Variants in TP53BP1 observed in about 807,000 individuals in gnomAD.
TP53BP1 encodes TP53-binding protein 1.
Under a neutral mutation model 200.8 loss-of-function variants are expected in TP53BP1, and 61 were observed. The ratio of observed to expected loss-of-function variants is 0.30; its 90% CI spans 0.25 to 0.38. The LOEUF (loss-of-function observed/expected upper bound fraction) is 0.38, where lower values mean the gene tolerates loss of function less well. TP53BP1 is among the 10% of genes least tolerant of loss of function. The pLI is 1.00. For synonymous variants in TP53BP1, 822 were observed against 844.3 expected, an observed-to-expected ratio of 0.97 and a Z score of 0.46; for missense variants, 2,144 against 2,371.9, an observed-to-expected ratio of 0.90 and a Z score of 2.00.
intron 21 of TP53BP1, chr15:43,416,998 G>A (rs2045280876): frequency 6.6e-6 from 1 of 152,172 alleles, no homozygotes; most frequent in African/African-American, 2.4e-5. Context: ...ATGTTAAAAG[G>A]AACAAAATGT....
Position 43,446,477 on chromosome 15 carries a change from G to C in TP53BP1, c.2950C>G (p.Pro984Ala). The C allele has an allele frequency of 2.5e-6, 4 of 1,614,058 alleles. No individual in the cohort carries two copies. The highest frequency in any genetic ancestry group is 3.4e-6 in the Non-Finnish European group (4 of 1,180,016). The change falls in exon 14 of 28, where the codon CCA (proline) becomes GCA (alanine). Residue 984 changes from proline to alanine, a missense_variant. Transcript: ENST00000382044. ...GSGKGDSGAA[P>A]DVDDKLCLRM... ...AGACATAATTTATCATCCACGTCTG[G>C]GGCAGCCCCAGAATCCCCTTTTCCA...
In TP53BP1 at chr15:43,456,820, T is replaced by C. The variant is rs1405190988; in HGVS notation, c.1788A>G (p.Thr596=). 1 of 1,613,972 alleles carries C rather than the reference T, an allele frequency of 6.2e-7. No homozygotes were observed. The highest frequency in any genetic ancestry group is 2.2e-5 in the East Asian group (1 of 44,894). ...QNDDKTKGDD[T]DTRDDISILA... ...AAATACTAATGTCATCCCTGGTGTC[T>C]GTATCATCTCCCTTTGTTTTGTCAT... Residue 596 remains threonine, a synonymous_variant, in exon 12 of 28, where the codon ACA becomes ACG. Coordinates refer to ENST00000382044, the MANE Select transcript of TP53BP1 (RefSeq NM_001141980.3).
intron 23 of TP53BP1, chr15:43,414,258 T>TAA: frequency 2.5e-6 from 1 of 399,264 alleles, no homozygotes; most frequent in Non-Finnish European, 5.1e-6. Flanking sequence ...AACTTTTCTG[T>TAA]GCCTCAAAGT....
intron 12 of TP53BP1, among the ~76,000 whole-genome samples, chr15:43,455,423 A>ACCTGT (rs1488311756): frequency 1.3e-5 from 2 of 152,114 alleles, no homozygotes; most frequent in Non-Finnish European, 2.9e-5. Flanking sequence ...TATAGCTATT[A>ACCTGT]AAAAAATACA....
chr15:43,429,103 CTTCA>C (rs756980013), intron 17 of TP53BP1, among the ~76,000 whole-genome samples: 10 of 152,136 alleles, frequency 6.6e-5, no homozygotes, highest in South Asian at 2.1e-4. Context: ...TAGCATCCAG[CTTCA>C]TTATTTCTTG....
At chr15:43,415,374 A>C (rs571487258) in intron 23 of TP53BP1, 2 of 653,510 alleles carry the variant, frequency 3.1e-6, no homozygotes, top group East Asian at 5.7e-5. Flanking sequence ...ACACTCAGCT[A>C]ATTCTGGCCT....
In TP53BP1 at chr15:43,503,399, T is replaced by C. The variant is rs147462034; in HGVS notation, c.-9+6971A>G. 4.8e-3 allele frequency among the ~76,000 whole-genome samples: 735 copies of C among 152,354 alleles called. 7 individuals carry two copies. The highest frequency in any genetic ancestry group is 0.016 in the African/African-American group (684 of 41,584). On this transcript the variant is annotated intron_variant, in intron 1 of 27. Coordinates refer to the TP53BP1 transcript ENST00000263801. ...TGGGCTGGGCAGAGTGGCTCACACCTGTAATCCCAACACTTCAGGAGCCTG... is the reference window on the plus strand; with the variant it reads ...TGGGCTGGGCAGAGTGGCTCACACCCGTAATCCCAACACTTCAGGAGCCTG...
chr15:43,405,002 A>C lies in TP53BP1; in HGVS notation c.*2381T>G, dbSNP rs2044819079. 1 of 595,272 alleles carries C rather than the reference A, an allele frequency of 1.7e-6. No individual in the cohort carries two copies. The highest frequency in any genetic ancestry group is 1.9e-5 in the African/African-American group (1 of 52,932). 36.9% of individuals were successfully genotyped at this position (595,272 alleles called of 1,614,324 possible). On this transcript the variant is annotated 3_prime_UTR_variant, in exon 28 of 28. Coordinates refer to ENST00000382044, the MANE Select transcript of TP53BP1 (RefSeq NM_001141980.3). ...TCCCAGAGGTCTGTCATTCCCATTCAGAAAATCACTTCATTGTCCTTTCTC... is the reference window on the plus strand; with the variant it reads ...TCCCAGAGGTCTGTCATTCCCATTCCGAAAATCACTTCATTGTCCTTTCTC...
chr15:43,441,635 T>C (rs778734998), intron 14 of TP53BP1, 52 bp from the exon 15 acceptor site: 5 of 1,249,448 alleles, frequency 4.0e-6, no homozygotes, highest in South Asian at 3.6e-5. Context: ...AGAATTTAGT[T>C]AGTATCACAC....
rs569439871 is a variant in TP53BP1, at chr15:43,464,420, T to C, written c.1389+5438A>G. Among the ~76,000 whole-genome samples, 60 of 152,288 alleles carry C rather than the reference T, an allele frequency of 3.9e-4. 1 individual carries two copies. In the South Asian group the frequency reaches 0.012, roughly 29 times the overall value. On this transcript the variant is annotated intron_variant, in intron 11 of 27. Transcript: ENST00000382044. ...AACTAAGAGAAGAATTAAAAGATGG[T>C]TGAACTGGGCAATGGCACCTGTAGG...
intron 21 of TP53BP1, 68 bp downstream of exon 21, chr15:43,420,237 C>T: frequency 7.0e-7 from 1 of 1,422,632 alleles, no homozygotes; most frequent in Non-Finnish European, 9.7e-7. Flanking sequence ...TTGGTAACTA[C>T]TAACATAACA....
Position 43,447,488 on chromosome 15 carries a change from G to GA in TP53BP1, c.2717-4dup, listed in dbSNP as rs749575788. The GA allele has an allele frequency of 0.18, 163,298 of 899,606 alleles. 144 individuals carry two copies. The highest frequency in any genetic ancestry group is 0.19 in the Non-Finnish European group (131,710 of 697,154). The allele number at this position is 899,606 out of a possible 1,614,324, so 55.7% of individuals were successfully genotyped here. ...CAAAGTGAAATGAAATGGGGTTTCT[G>GA]AAAAAAAAAAAAAAAAGAAAAAAGA... is the stretch of plus-strand genomic sequence containing the variant. On this transcript the variant is annotated splice_region_variant and splice_polypyrimidine_tract_variant and intron_variant, in intron 12 of 27. Transcript: ENST00000382044.
intron 14 of TP53BP1, among the ~76,000 whole-genome samples, chr15:43,442,082 ATTT>A (rs1158826286): frequency 2.4e-5 from 3 of 123,504 alleles, no homozygotes. Flanking sequence ...ATTTGTTTTA[ATTT>A]TTTTTTTTTT....
chr15:43,475,421 A>G lies in TP53BP1; in HGVS notation c.1085+144T>C. On this transcript the variant is annotated intron_variant, in intron 9 of 27. Coordinates refer to ENST00000382044, the MANE Select transcript of TP53BP1 (RefSeq NM_001141980.3). ...ATTTATCTGCCTTCAACAGTTCTTCATCCCCAAAGCTCTAATGCATAGGTT... is the reference window on the plus strand; with the variant it reads ...ATTTATCTGCCTTCAACAGTTCTTCGTCCCCAAAGCTCTAATGCATAGGTT... The G allele has an allele frequency of 4.4e-6, 4 of 905,792 alleles. 1 individual carries two copies. In the South Asian group the frequency reaches 8.8e-5, roughly 20 times the overall value. The allele number at this position is 905,792 out of a possible 1,614,324, so 56.1% of individuals were successfully genotyped here. A position where few individuals can be genotyped will look rare whatever the true frequency, so the allele number is the denominator to read the frequency against.
intron 16 of TP53BP1, among the ~76,000 whole-genome samples, chr15:43,436,002 T>C (rs982142676): frequency 6.6e-6 from 1 of 152,034 alleles, no homozygotes; most frequent in African/African-American, 2.4e-5. Flanking sequence ...AGTCTTTTTT[T>C]TTTTCTTTAG....
At position 43,456,336 on chromosome 15, in the gene TP53BP1, C is replaced by A. The variant is rs574966094; in HGVS notation, c.2272G>T (p.Asp758Tyr). ...ACATCTACAATGACAACACTGGAGT[C>A]CTCTGAAGTAGCTTCTTCCCAAGCT... ...QEAWEEATSE[D>Y]SSVVIVDVKE... Residue 758 changes from aspartate (D) to tyrosine (Y), a missense_variant, in exon 12 of 28, where the codon GAC becomes TAC. By Grantham distance (160) the Asp-to-Tyr change is radical. Around this residue, in one of 4 missense-constraint regions of TP53BP1, gnomAD observed 1,700 missense variants for 1,710.3 expected, o/e 0.99. Coordinates refer to ENST00000382044, the MANE Select transcript of TP53BP1 (RefSeq NM_001141980.3). 1 of 1,613,168 alleles carries A rather than the reference C, an allele frequency of 6.2e-7. No individual in the cohort carries two copies.
At chr15:43,435,993 G>C (rs754360547) in intron 16 of TP53BP1, among the ~76,000 whole-genome samples, 1 of 151,224 alleles carries the variant, frequency 6.6e-6, no homozygotes, top group Non-Finnish European at 1.5e-5. Context: ...ACCCCATCCA[G>C]TCTTTTTTTT....
chr15:43,441,323 T>A (rs2045921053), intron 15 of TP53BP1: 2 of 481,314 alleles, frequency 4.2e-6, no homozygotes, highest in African/African-American at 3.9e-5. Flanking sequence ...TTATCTTAGT[T>A]CTAGGTGTAG....
intron 24 of TP53BP1, among the ~76,000 whole-genome samples, chr15:43,409,957 G>A (rs2045061690): frequency 6.6e-6 from 1 of 152,306 alleles, no homozygotes; most frequent in Admixed American, 6.5e-5. Context: ...GGAATGGGAA[G>A]ATGAGGACTG....
Sources: gnomAD v4.1 joint callset for allele counts (sites outside exome capture counted in the v4.1 genomes callset) on GRCh38, gnomAD v4.1.1 for gene constraint, gnomAD v4.1.1 regional missense constraint, MANE v1.5 for transcripts, NCBI Gene and HGNC (gene_info 2026-07-23, HGNC 2026-07-21) for gene names.